LPXN: variants seen among roughly 807,000 people sequenced by gnomAD.
LPXN encodes leupaxin.
LPXN carries 28 observed loss-of-function variants against 45.6 expected under a neutral mutation model. The ratio of observed to expected loss-of-function variants is 0.61; its 90% CI spans 0.45 to 0.84. LPXN has a LOEUF of 0.84. Ranked by LOEUF, LPXN falls within the 40% of genes least tolerant of loss-of-function variation. The pLI is 0.00. For synonymous variants in LPXN, 166 were observed against 169.9 expected, an observed-to-expected ratio of 0.98 and a Z score of 0.18; for missense variants, 459 against 475.0, an observed-to-expected ratio of 0.97 and a Z score of 0.31.
At chr11:58,562,006 A>G (rs924283151) in intron 3 of LPXN, among the ~76,000 whole-genome samples, 3 of 152,214 alleles carry the variant, frequency 2.0e-5, no homozygotes, top group Non-Finnish European at 4.4e-5. Flanking sequence ...AACTTACTTC[A>G]CTGCTCAGAG....
At chr11:58,541,071 A>G (rs2120256688) in intron 7 of LPXN, among the ~76,000 whole-genome samples, 1 of 152,316 alleles carries the variant, frequency 6.6e-6, no homozygotes, top group East Asian at 1.9e-4. Context: ...TGTTAGACCT[A>G]AAACCATAAA....
chr11:58,578,565 C>A (rs1175887762), upstream of LPXN, among the ~76,000 whole-genome samples: 2 of 152,186 alleles, frequency 1.3e-5, no homozygotes, highest in Non-Finnish European at 2.9e-5. Context: ...CAAAATACTA[C>A]CCCCTTCTCC....
intron 3 of LPXN, among the ~76,000 whole-genome samples, chr11:58,555,821 T>C (rs1397198852): frequency 6.6e-6 from 1 of 151,344 alleles, no homozygotes; most frequent in Admixed American, 6.6e-5. Flanking sequence ...TAAATGTTAT[T>C]GAGAAGAAAA....
At chr11:58,575,156 A>G (rs1944055) in intron 1 of LPXN, among the ~76,000 whole-genome samples, 10,250 of 152,308 alleles carry the variant, frequency 0.067, 391 homozygotes, top group South Asian at 0.099. Context: ...AGGAGGTGTC[A>G]TATTTTCAGG....
intron 5 of LPXN, among the ~76,000 whole-genome samples, chr11:58,550,723 C>T (rs1854024219): frequency 6.6e-6 from 1 of 152,128 alleles, no homozygotes; most frequent in African/African-American, 2.4e-5. Context: ...TCAGTAAAGG[C>T]AGTACAGAAA....
intron 2 of LPXN, among the ~76,000 whole-genome samples, chr11:58,566,203 T>C (rs1854523569): frequency 6.6e-6 from 1 of 152,198 alleles, no homozygotes; most frequent in African/African-American, 2.4e-5. Flanking sequence ...CAAAACTTCA[T>C]TTTATGGTTA....
chr11:58,528,698 T>C (rs761043520), intron 7 of LPXN, among the ~76,000 whole-genome samples: 3 of 152,134 alleles, frequency 2.0e-5, no homozygotes, highest in Admixed American at 6.5e-5. Context: ...ATCTCTAATA[T>C]CTAAAACAGC....
intron 1 of LPXN, among the ~76,000 whole-genome samples, chr11:58,571,514 G>A (rs1019152794): frequency 2.0e-5 from 3 of 151,856 alleles, no homozygotes; most frequent in African/African-American, 4.8e-5. Flanking sequence ...TCCTGAGCAC[G>A]TAACAAAATT....
chr11:58,561,412 A>G (rs1213648442), intron 3 of LPXN, among the ~76,000 whole-genome samples: 3 of 152,180 alleles, frequency 2.0e-5, no homozygotes, highest in Non-Finnish European at 4.4e-5. Flanking sequence ...TAAAAGATTT[A>G]TCTTTTAGGT....
At chr11:58,552,294 C>A (rs1265953487) in intron 4 of LPXN, among the ~76,000 whole-genome samples, 1 of 150,134 alleles carries the variant, frequency 6.7e-6, no homozygotes, top group Non-Finnish European at 1.5e-5. Flanking sequence ...ATAAACCATT[C>A]AAAGAAGGAT....
intron 2 of LPXN, among the ~76,000 whole-genome samples, chr11:58,567,451 T>A (rs1854557885): frequency 6.6e-6 from 1 of 152,194 alleles, no homozygotes; most frequent in African/African-American, 2.4e-5. Flanking sequence ...TATTTGAAGG[T>A]TTGCAAAGGA....
chr11:58,570,701 T>C lies in LPXN; in HGVS notation c.26A>G (p.Glu9Gly). Residue 9 changes from glutamate to glycine, a missense_variant, in exon 2 of 9, where the codon GAG becomes GGG. Physicochemically the swap from Glu to Gly is moderately conservative, Grantham distance 98 (BLOSUM62 -2). Transcript: ENST00000395074. ...CTGAAGGGTGGAGCGTTCCAGTTCC[T>C]CCAATAAGGCATCTACACCATAAGA... MEELDALLEELERSTLQDS... is the reference protein window; with the variant it reads MEELDALLGELERSTLQDS... 1 of 1,610,560 alleles carries C rather than the reference T, an allele frequency of 6.2e-7. No homozygotes were observed. Among genetic ancestry groups the C allele is most frequent in the Non-Finnish European group, 8.5e-7 (1 of 1,177,868 alleles).
At chr11:58,567,154 T>C (rs915442081) in intron 2 of LPXN, among the ~76,000 whole-genome samples, 4 of 152,228 alleles carry the variant, frequency 2.6e-5, no homozygotes, top group Admixed American at 6.5e-5. Context: ...CATTTCTGCT[T>C]CATAGCTTGT....
At chr11:58,545,678 T>C (rs1853856173) in intron 7 of LPXN, among the ~76,000 whole-genome samples, 1 of 152,178 alleles carries the variant, frequency 6.6e-6, no homozygotes, top group Non-Finnish European at 1.5e-5. Context: ...GCATATCGTG[T>C]TGGTACCACA....
At chr11:58,529,968 T>G (rs1853338599) in intron 7 of LPXN, among the ~76,000 whole-genome samples, 1 of 152,034 alleles carries the variant, frequency 6.6e-6, no homozygotes, top group South Asian at 2.1e-4. Flanking sequence ...AGAGAAGCCA[T>G]TAGAAACTGT....
rs368993999 is a variant in LPXN at position 58,564,210 on chromosome 11, T to C, written c.172-9A>G. 2.4e-5 allele frequency: 38 copies of C among 1,592,970 alleles called. No individual in the cohort carries two copies. Among genetic ancestry groups the C allele is most frequent in the Middle Eastern group, 1.7e-4 (1 of 6,036 alleles). On this transcript the variant is annotated splice_polypyrimidine_tract_variant and intron_variant, in intron 2 of 8. Transcript: ENST00000395074. ...GTATACACGAGCTGCGCCTAAGATA[T>C]ATAAGTGACAAGAGAAGAGCAAAGA...
chr11:58,568,637 G>C (rs1004864579), intron 2 of LPXN, among the ~76,000 whole-genome samples: 1 of 151,898 alleles, frequency 6.6e-6, no homozygotes. Context: ...CACTGAATAT[G>C]TGTTTCATAC....
chr11:58,567,054 C>T (rs963327957), intron 2 of LPXN, among the ~76,000 whole-genome samples: 16 of 151,836 alleles, frequency 1.1e-4, no homozygotes, highest in African/African-American at 3.9e-4. Flanking sequence ...TACATTTTGA[C>T]AATTTTAGTT....
chr11:58,564,627 T>C (rs1055635644), intron 2 of LPXN, among the ~76,000 whole-genome samples: 1 of 152,208 alleles, frequency 6.6e-6, no homozygotes, highest in Admixed American at 6.5e-5. Flanking sequence ...GCAATTCATT[T>C]ATTAATTGAA....
Sources: gnomAD v4.1 joint callset for allele counts (sites outside exome capture counted in the v4.1 genomes callset) on GRCh38, gnomAD v4.1.1 for gene constraint, MANE v1.5 for transcripts, NCBI Gene and HGNC (gene_info 2026-07-23, HGNC 2026-07-21) for gene names.